Variants in ZC3H7A observed in about 807,000 individuals in gnomAD.
ZC3H7A encodes the protein zinc finger CCCH domain-containing protein 7A.
In ZC3H7A, 44 loss-of-function variants were observed where a neutral mutation model predicts 125.5. The observed-to-expected ratio is 0.35, with a 90% CI of 0.28 to 0.45. The LOEUF (loss-of-function observed/expected upper bound fraction) is 0.45. Ranked by LOEUF, ZC3H7A falls within the 20% of genes least tolerant of loss-of-function variation. The pLI is 1.00. For synonymous variants in ZC3H7A, 399 were observed against 391.2 expected (o/e 1.02, Z -0.23); for missense variants, 977 against 1,170.7 (o/e 0.83, Z 2.41).
intron 4 of ZC3H7A, among the ~76,000 whole-genome samples, chr16:11,778,465 G>T (rs1285633633): frequency 1.4e-5 from 2 of 144,654 alleles, no homozygotes; most frequent in Non-Finnish European, 1.5e-5. Context: ...AAAAACACTC[G>T]TAAGAGTGTT....
intron 22 of ZC3H7A, among the ~76,000 whole-genome samples, chr16:11,752,240 G>C (rs2052566271): frequency 6.6e-6 from 1 of 152,146 alleles, no homozygotes; most frequent in Admixed American, 6.5e-5. Context: ...TTAAACAAAG[G>C]AGTGATACAT....
intron 19 of ZC3H7A, among the ~76,000 whole-genome samples, chr16:11,760,122 G>GAAAAAAAAAAACA (rs2052722755): frequency 1.2e-5 from 1 of 82,532 alleles, no homozygotes; most frequent in African/African-American, 5.4e-5. Flanking sequence ...AAGAAAAAAT[G>GAAAAAAAAAAACA]AAAAAAAAAA....
chr16:11,768,718 A>G (rs887545223), intron 11 of ZC3H7A, among the ~76,000 whole-genome samples: 1 of 152,078 alleles, frequency 6.6e-6, no homozygotes, highest in African/African-American at 2.4e-5. Context: ...TTGATCCTCC[A>G]TATTATAAGT....
In ZC3H7A at chr16:11,769,071, T is replaced by C. The variant is rs760199638; in HGVS notation, c.1133A>G (p.Glu378Gly). The C allele has an allele frequency of 1.2e-6, 2 of 1,610,010 alleles. No individual in the cohort carries two copies. The highest frequency in any genetic ancestry group is 2.2e-5 in the South Asian group (2 of 90,236). Residue 378 changes from glutamate (E) to glycine (G), a missense_variant, in exon 11 of 23, where the codon GAG becomes GGG. Physicochemically the swap from Glu to Gly is moderately conservative, Grantham distance 98 (BLOSUM62 -2). Around this residue, in one of 3 missense-constraint regions of ZC3H7A, gnomAD observed 342 missense variants for 311.3 expected, o/e 1.10. Coordinates refer to ENST00000355758, the MANE Select transcript of ZC3H7A (RefSeq NM_014153.4). ...ATTACTGTTGTTAAGCGGTGTTCCC[T>C]CTCTAGAAGTTGAGGTGGACAGATC... is the stretch of plus-strand genomic sequence containing the variant. ...KRDLSTSTSR[E>G]GTPLNNSNSS...
Position 11,779,347 on chromosome 16 carries a change from A to T in ZC3H7A, c.125T>A (p.Leu42His), listed in dbSNP as rs765766018. 6.2e-7 allele frequency: 1 copy of T among 1,613,552 alleles called. No homozygotes were observed. The highest frequency in any genetic ancestry group is 8.5e-7 in the Non-Finnish European group (1 of 1,179,868). Residue 42 changes from leucine to histidine, a missense_variant, in exon 4 of 23, where the codon CTC (leucine) becomes CAC (histidine). Physicochemically the swap from Leu to His is moderately conservative, Grantham distance 99. Transcript: ENST00000355758. ...QEQYAVYLRA[L>H]VRNLFNEGND... ...TCCTTCATTAAAAAGATTTCTCACG[A>T]GAGCACGCAAATATACCTAAAAAAA...
chr16:11,752,763 A>C lies in ZC3H7A; in HGVS notation c.2632T>G (p.Ser878Ala), dbSNP rs145286621. 6.7e-5 allele frequency: 108 copies of C among 1,614,030 alleles called. No individual in the cohort carries two copies. The African/African-American group carries it at 1.0e-3, about 16-fold the overall frequency. The change falls in exon 22 of 23, where the codon TCC (serine) becomes GCC (alanine). Residue 878 changes from serine to alanine, a missense_variant. Physicochemically the swap from Ser to Ala is moderately conservative, Grantham distance 99. This residue lies in a region of ZC3H7A where 436 missense variants were observed against 603.2 expected (regional missense o/e 0.72). Coordinates refer to ENST00000355758, the MANE Select transcript of ZC3H7A (RefSeq NM_014153.4). ...SEKQWQGHIS[S>A]EKHKEKVFHT... The stretch of plus-strand genomic sequence containing the variant: ...AAAACCTTCTCTTTGTGCTTCTCGG[A>C]GGAGATGTGGCCCTGCCACTGCTTC...
chr16:11,780,105 G>C (rs2053150545), intron 3 of ZC3H7A, among the ~76,000 whole-genome samples: 1 of 149,484 alleles, frequency 6.7e-6, no homozygotes, highest in Admixed American at 6.7e-5. Flanking sequence ...TCACGCTTTA[G>C]TTTAGTTCTT....
chr16:11,757,376 C>T (rs564062666), intron 20 of ZC3H7A, among the ~76,000 whole-genome samples: 26 of 148,076 alleles, frequency 1.8e-4, no homozygotes, highest in East Asian at 4.1e-4. Context: ...CCCAGCTACT[C>T]GGGAAGCTGA....
chr16:11,787,219 T>A (rs964194749), intron 1 of ZC3H7A, among the ~76,000 whole-genome samples: 1 of 152,132 alleles, frequency 6.6e-6, no homozygotes, highest in Non-Finnish European at 1.5e-5. Flanking sequence ...AGAGGACTGA[T>A]TAAGCCCAGG....
At chr16:11,771,057 A>C in intron 9 of ZC3H7A, 70 bp from the exon 10 acceptor site, 1 of 1,404,710 alleles carries the variant, frequency 7.1e-7, no homozygotes, top group Non-Finnish European at 9.7e-7. Context: ...TACTTTCAAC[A>C]CCAGCAAATA....
At chr16:11,776,703 A>G (rs1364569624) in intron 5 of ZC3H7A, 48 bp downstream of exon 5, 1 of 1,551,410 alleles carries the variant, frequency 6.4e-7, no homozygotes. Context: ...GCCATTTATT[A>G]TGATGTAAAT....
chr16:11,763,315 G>A, intron 16 of ZC3H7A, 163 bp downstream of exon 16: 2 of 589,434 alleles, frequency 3.4e-6, no homozygotes, highest in South Asian at 3.1e-5. Flanking sequence ...TGCCGTACTG[G>A]CCAGACTGGT....
At position 11,778,058 on chromosome 16, in the gene ZC3H7A, A is replaced by G. The variant is rs116150417; in HGVS notation, c.306+1108T>C. On this transcript the variant is annotated intron_variant, in intron 4 of 22. Coordinates refer to ENST00000355758, the MANE Select transcript of ZC3H7A (RefSeq NM_014153.4). The stretch of plus-strand genomic sequence containing the variant: ...AAAAGTTTTAAAAGGAAAAAAAGAA[A>G]AAAAAGCACTTCAAAAGCTTTTAAG... Among the ~76,000 whole-genome samples the G allele has an allele frequency of 7.8e-3, 1,181 of 152,076 alleles. 19 individuals are homozygous for G. Among genetic ancestry groups the G allele is most frequent in the African/African-American group, 0.027 (1,122 of 41,484 alleles).
chr16:11,793,516 G>A (rs959453303), intron 1 of ZC3H7A, among the ~76,000 whole-genome samples: 2 of 140,848 alleles, frequency 1.4e-5, no homozygotes, highest in Admixed American at 1.5e-4. Flanking sequence ...CTGGGTGTCA[G>A]AGCAAGATCC....
At position 11,797,137 on chromosome 16, in the gene ZC3H7A, G is replaced by C. The variant is rs1181408901; in HGVS notation, c.-48C>G. The C allele has an allele frequency of 6.6e-6, 1 of 150,482 alleles. No individual in the cohort carries two copies. The highest frequency in any genetic ancestry group is 1.5e-5 in the Non-Finnish European group (1 of 68,390). The allele number at this position is 150,482 out of a possible 1,614,324, so 9.3% of individuals were successfully genotyped here. ...CCCTACCCCTACCTGTGGGGACGAC[G>C]CGCCGGCCGGCGGCAGAAGGCAGGC... On this transcript the variant is annotated 5_prime_UTR_variant, in exon 1 of 23. Transcript: ENST00000355758.
chr16:11,772,447 A>C (rs1231297354), intron 9 of ZC3H7A, among the ~76,000 whole-genome samples: 1 of 151,750 alleles, frequency 6.6e-6, no homozygotes, highest in Non-Finnish European at 1.5e-5. Context: ...TTGGTTCTTA[A>C]AACAGCTCTC....
intron 2 of ZC3H7A, among the ~76,000 whole-genome samples, 178 bp downstream of exon 2, chr16:11,782,109 C>T (rs2053182627): frequency 2.0e-5 from 3 of 152,226 alleles, no homozygotes; most frequent in Middle Eastern, 3.4e-3. Flanking sequence ...ACACTTGCTT[C>T]CGAATGCAAG....
intron 1 of ZC3H7A, among the ~76,000 whole-genome samples, chr16:11,794,481 T>C (rs1361228559): frequency 6.6e-6 from 1 of 152,206 alleles, no homozygotes; most frequent in African/African-American, 2.4e-5. Context: ...CTTCTTGATT[T>C]GCCAACACCT....
At chr16:11,764,487 T>C (rs1399180696) in intron 15 of ZC3H7A, among the ~76,000 whole-genome samples, 1 of 152,142 alleles carries the variant, frequency 6.6e-6, no homozygotes, top group Non-Finnish European at 1.5e-5. Flanking sequence ...AGGCGGAGGT[T>C]GCAGTGAGCT....
Sources: allele counts gnomAD v4.1 joint callset (sites outside exome capture counted in the v4.1 genomes callset), GRCh38; gene constraint gnomAD v4.1.1; regional missense constraint gnomAD v4.1.1; transcripts MANE v1.5; gene names NCBI Gene and HGNC (gene_info 2026-07-23, HGNC 2026-07-21).